The following DLG2 variants were observed in gnomAD, a reference collection of about 807,000 sequenced individuals.
DLG2 encodes disks large homolog 2.
DLG2 carries 45 observed loss-of-function variants against 132.5 expected under a neutral mutation model. The observed-to-expected ratio is 0.34, with a 90% CI of 0.27 to 0.44. DLG2 has a LOEUF of 0.44. DLG2 is among the 20% of genes least tolerant of loss of function. The pLI is 1.00. For missense variants in DLG2, 1,045 were observed against 1,196.9 expected (o/e 0.87, Z 1.87); for synonymous variants, 424 against 419.6 (o/e 1.01, Z -0.13).
rs368582533 is a variant in DLG2 at position 84,615,013 on chromosome 11, C to G, written c.358-80282G>C. ...ATAGAACTCTTAAGTGAAAGCCACA[C>G]TTAATTCCTCAGCCAAGCATTCAAG... On this transcript the variant is annotated intron_variant, in intron 6 of 27. Transcript: ENST00000376104. 5.3e-5 allele frequency among the ~76,000 whole-genome samples: 8 copies of G among 152,186 alleles called. No homozygotes were observed. In the South Asian group the frequency reaches 1.7e-3, roughly 32 times the overall value.
At chr11:85,121,347 T>C (rs912165975) in intron 5 of DLG2, among the ~76,000 whole-genome samples, 4 of 151,082 alleles carry the variant, frequency 2.6e-5, no homozygotes, top group African/African-American at 9.7e-5. Flanking sequence ...TAGTAAAATA[T>C]ACTACATTAA....
chr11:84,522,921 A>G (rs984539613), intron 7 of DLG2, among the ~76,000 whole-genome samples: 1 of 152,208 alleles, frequency 6.6e-6, no homozygotes, highest in African/African-American at 2.4e-5. Flanking sequence ...TTTATGCTTT[A>G]GTAAATTCTT....
At chr11:85,398,629 A>G (rs565064781) in intron 3 of DLG2, among the ~76,000 whole-genome samples, 3 of 152,318 alleles carry the variant, frequency 2.0e-5, no homozygotes, top group South Asian at 4.1e-4. Context: ...ACAAACTACC[A>G]TCAGAGAATA....
intron 11 of DLG2, among the ~76,000 whole-genome samples, chr11:83,998,305 TA>T (rs2094157875): frequency 6.6e-6 from 1 of 152,150 alleles, no homozygotes; most frequent in South Asian, 2.1e-4. Flanking sequence ...ATAAAATAAA[TA>T]AAAAATACAT....
At chr11:84,381,558 A>G (rs1238537552) in intron 7 of DLG2, among the ~76,000 whole-genome samples, 1 of 152,168 alleles carries the variant, frequency 6.6e-6, no homozygotes, top group Non-Finnish European at 1.5e-5. Flanking sequence ...TAGAAAATGT[A>G]TTAATAATTC....
chr11:84,995,930 A>G (rs2057609828), intron 6 of DLG2, among the ~76,000 whole-genome samples: 1 of 152,106 alleles, frequency 6.6e-6, no homozygotes, highest in South Asian at 2.1e-4. Flanking sequence ...TGCACATGAC[A>G]GGAAGAAAAT....
chr11:84,617,871 C>T (rs1775696526), intron 6 of DLG2, among the ~76,000 whole-genome samples: 9 of 152,018 alleles, frequency 5.9e-5, no homozygotes, highest in Admixed American at 5.9e-4. Flanking sequence ...ACAAAAGCAG[C>T]CTTTGCCCTA....
At chr11:84,759,498 A>G (rs374486750) in intron 6 of DLG2, among the ~76,000 whole-genome samples, 35 of 152,222 alleles carry the variant, frequency 2.3e-4, no homozygotes, top group African/African-American at 8.2e-4. Context: ...GCTATACTTC[A>G]TTGTGAGGCT....
chr11:85,156,348 T>C (rs2077586253), intron 4 of DLG2, among the ~76,000 whole-genome samples: 1 of 152,156 alleles, frequency 6.6e-6, no homozygotes, highest in South Asian at 2.1e-4. Context: ...TGTTTTTCAG[T>C]CTCTAGAATA....
intron 6 of DLG2, among the ~76,000 whole-genome samples, chr11:84,980,180 T>A (rs1427290550): frequency 6.6e-6 from 1 of 152,286 alleles, no homozygotes; most frequent in Non-Finnish European, 1.5e-5. Flanking sequence ...AATAATGTAT[T>A]CCTAAAAATT....
chr11:85,561,391 TCTTTA>T (rs1180612913), intron 3 of DLG2, among the ~76,000 whole-genome samples: 1 of 149,386 alleles, frequency 6.7e-6, no homozygotes, highest in Non-Finnish European at 1.5e-5. Context: ...CTTTCATTTT[TCTTTA>T]CTTTAACTGA....
chr11:84,868,163 A>AT (rs1555268658), intron 6 of DLG2, among the ~76,000 whole-genome samples: 3 of 147,556 alleles, frequency 2.0e-5, no homozygotes, highest in African/African-American at 7.4e-5. Context: ...TTAATATATT[A>AT]TATTATTATT....
At chr11:84,064,289 T>G (rs959447967) in intron 10 of DLG2, among the ~76,000 whole-genome samples, 3 of 152,070 alleles carry the variant, frequency 2.0e-5, no homozygotes, top group Admixed American at 6.6e-5. Context: ...GATAGCGAAG[T>G]TTTAATTTGG....
intron 3 of DLG2, among the ~76,000 whole-genome samples, chr11:85,451,354 T>C (rs1009547882): frequency 6.6e-6 from 1 of 152,200 alleles, no homozygotes; most frequent in African/African-American, 2.4e-5. Flanking sequence ...TTGCAACAGA[T>C]GTAACTGATT....
chr11:84,460,901 A>G (rs1237152124), intron 7 of DLG2, among the ~76,000 whole-genome samples: 1 of 150,714 alleles, frequency 6.6e-6, no homozygotes, highest in Admixed American at 6.6e-5. Context: ...TAAGTGAATA[A>G]ATTACTGCAC....
intron 6 of DLG2, among the ~76,000 whole-genome samples, chr11:84,950,197 C>G (rs527425681): frequency 1.3e-5 from 2 of 152,236 alleles, no homozygotes; most frequent in South Asian, 4.1e-4. Flanking sequence ...TTTGGAGCAT[C>G]TGCACTGTGC....
At chr11:84,476,887 C>T (rs1412009695) in intron 7 of DLG2, among the ~76,000 whole-genome samples, 1 of 152,098 alleles carries the variant, frequency 6.6e-6, no homozygotes, top group African/African-American at 2.4e-5. Flanking sequence ...ACATATCATC[C>T]CTGCTGTGTC....
At chr11:85,362,277 G>A (rs2084213392) in intron 3 of DLG2, among the ~76,000 whole-genome samples, 1 of 152,048 alleles carries the variant, frequency 6.6e-6, no homozygotes, top group South Asian at 2.1e-4. Flanking sequence ...TTTATTTTTT[G>A]TAGTTCTACT....
intron 8 of DLG2, among the ~76,000 whole-genome samples, chr11:84,194,141 G>A (rs185847876): frequency 5.3e-5 from 8 of 152,298 alleles, no homozygotes; most frequent in East Asian, 1.9e-4. Context: ...ATCATAATTA[G>A]GGTAATGCTT....
Sources: allele counts gnomAD v4.1 joint callset (sites outside exome capture counted in the v4.1 genomes callset), GRCh38; gene constraint gnomAD v4.1.1; transcripts MANE v1.5; gene names NCBI Gene and HGNC (gene_info 2026-07-23, HGNC 2026-07-21).